HPN: variants seen among roughly 807,000 people sequenced by gnomAD.
The protein encoded by HPN is hepsin, also known as serine protease hepsin.
Under a neutral mutation model 55.9 loss-of-function variants are expected in HPN, and 13 were observed. The ratio of observed to expected loss-of-function variants is 0.23; its 90% confidence interval spans 0.15 to 0.37. The LOEUF (loss-of-function observed/expected upper bound fraction) is 0.37, where lower values mean the gene tolerates loss of function less well. Ranked by LOEUF, HPN falls within the 10% of genes least tolerant of loss-of-function variation. HPN has a pLI of 1.00. For synonymous variants in HPN, 225 were observed against 240.3 expected (o/e 0.94, Z 0.59); for missense variants, 451 against 575.8 (o/e 0.78, Z 2.22).
In HPN at chr19:35,065,528, C is replaced by A; in HGVS notation, c.908-11C>A. On this transcript the variant is annotated splice_polypyrimidine_tract_variant and intron_variant, in intron 10 of 12. Transcript: ENST00000672452. Reference sequence around the variant, plus strand: ...CCCCAGCTCTGGCCAGCCTTGCCTGCACACCCCCAGGCCAACAGGCCGGGG... The same window carrying A: ...CCCCAGCTCTGGCCAGCCTTGCCTGAACACCCCCAGGCCAACAGGCCGGGG... 6.2e-7 allele frequency: 1 copy of A among 1,613,606 alleles called. No homozygotes were observed. The highest frequency in any genetic ancestry group is 1.6e-4 in the Middle Eastern group (1 of 6,062).
intron 4 of HPN, among the ~76,000 whole-genome samples, chr19:35,056,171 C>A (rs1386595624): frequency 6.6e-6 from 1 of 152,126 alleles, no homozygotes; most frequent in African/African-American, 2.4e-5. Flanking sequence ...CAGGGACGCT[C>A]TCCTTGCAGC....
chr19:35,059,811 G>T lies in HPN; in HGVS notation c.290+9G>T. 2 of 1,553,532 alleles carry T rather than the reference G, an allele frequency of 1.3e-6. No individual in the cohort carries two copies. Among genetic ancestry groups the T allele is most frequent in the Non-Finnish European group, 1.7e-6 (2 of 1,148,262 alleles). ...GAGATGGGCTTCCTCAGGTACTGGG[G>T]GCCCTCGGAGGGGTGGGAGCCGGGA... On this transcript the variant is annotated intron_variant, in intron 5 of 12. Coordinates refer to ENST00000672452, the MANE Select transcript of HPN (RefSeq NM_001384133.1).
chr19:35,051,362 G>T (rs2064403643), intron 4 of HPN, among the ~76,000 whole-genome samples: 1 of 152,140 alleles, frequency 6.6e-6, no homozygotes, highest in South Asian at 2.1e-4. Flanking sequence ...ACCCGTCTCG[G>T]CCTCCCAAAG....
chr19:35,041,888 C>A lies in HPN; in HGVS notation c.-55+16C>A, dbSNP rs770668686. The A allele has an allele frequency of 7.5e-7, 1 of 1,332,410 alleles. No homozygotes were observed. The highest frequency in any genetic ancestry group is 4.9e-5 in the East Asian group (1 of 20,490). The allele number at this position is 1,332,410 out of a possible 1,614,324, so 82.5% of individuals were successfully genotyped here. On this transcript the variant is annotated intron_variant, in intron 1 of 12. Coordinates refer to ENST00000672452, the MANE Select transcript of HPN (RefSeq NM_001384133.1). ...GGACCCCAGGGTAAGGACAAGGGCC[C>A]CCAGACTCACAGTTCCAGCCCTGAG...
chr19:35,049,861 GTTT>G (rs67924531), intron 4 of HPN, among the ~76,000 whole-genome samples: 5 of 124,392 alleles, frequency 4.0e-5, no homozygotes, highest in Admixed American at 7.8e-5. Flanking sequence ...ATTTTTGTTT[GTTT>G]TTTTTTTTTT....
chr19:35,051,476 G>A (rs1413635868), intron 4 of HPN, among the ~76,000 whole-genome samples: 2 of 152,084 alleles, frequency 1.3e-5, no homozygotes, highest in Non-Finnish European at 2.9e-5. Flanking sequence ...GAACTCCTGA[G>A]CTCAAAGCAG....
intron 2 of HPN, among the ~76,000 whole-genome samples, chr19:35,043,036 G>A (rs553725130): frequency 6.6e-6 from 1 of 152,148 alleles, no homozygotes; most frequent in African/African-American, 2.4e-5. Context: ...CTGGTCTGGG[G>A]CTCTGCATAT....
chr19:35,058,202 T>C (rs1014153818), intron 4 of HPN, among the ~76,000 whole-genome samples: 3 of 150,956 alleles, frequency 2.0e-5, no homozygotes, highest in African/African-American at 7.3e-5. Flanking sequence ...ATTTTTGAGA[T>C]GGAGTCTCAC....
intron 1 of HPN, 57 bp downstream of exon 1, chr19:35,041,929 A>G (rs762469792): frequency 3.1e-6 from 4 of 1,270,992 alleles, no homozygotes; most frequent in South Asian, 1.3e-5. Context: ...GGGTTCCCTC[A>G]TCCCCCCACC....
At chr19:35,061,138 T>G (rs2064527120) in intron 9 of HPN, among the ~76,000 whole-genome samples, 3 of 152,226 alleles carry the variant, frequency 2.0e-5, no homozygotes, top group African/African-American at 7.2e-5. Flanking sequence ...CATAGCAGCA[T>G]TATTCATAAT....
In HPN at chr19:35,066,368, T is replaced by G; in HGVS notation, c.*81T>G. On this transcript the variant is annotated 3_prime_UTR_variant, in exon 13 of 13. Coordinates refer to ENST00000672452, the MANE Select transcript of HPN (RefSeq NM_001384133.1). ...TCCACGCTGGGCCTAGGATGGGACG[T>G]TTTTCTTCTTGGGCCCGGTCCACAG... 2.6e-6 allele frequency: 4 copies of G among 1,530,264 alleles called. No individual in the cohort carries two copies. Among genetic ancestry groups the G allele is most frequent in the Non-Finnish European group, 3.5e-6 (4 of 1,135,516 alleles). The allele number at this position is 1,530,264 out of a possible 1,614,324, so 94.8% of individuals were successfully genotyped here.
At chr19:35,061,993 G>A (rs1040675280) in intron 9 of HPN, among the ~76,000 whole-genome samples, 1 of 151,982 alleles carries the variant, frequency 6.6e-6, no homozygotes, top group Admixed American at 6.6e-5. Context: ...AGGAGTTTGA[G>A]GCTGCAGTGG....
At chr19:35,051,171 C>T (rs532901976) in intron 4 of HPN, among the ~76,000 whole-genome samples, 147 of 152,226 alleles carry the variant, frequency 9.7e-4, no homozygotes, top group African/African-American at 3.4e-3. Flanking sequence ...TGCTGTGGCG[C>T]GATCTTGGCT....
intron 2 of HPN, among the ~76,000 whole-genome samples, chr19:35,046,914 T>A (rs2064347569): frequency 6.6e-6 from 1 of 151,902 alleles, no homozygotes; most frequent in African/African-American, 2.4e-5. Flanking sequence ...CTGCAAGCTC[T>A]GCCTCCCGGG....
intron 2 of HPN, among the ~76,000 whole-genome samples, chr19:35,046,822 G>GTATTTATT (rs141379401): frequency 5.9e-5 from 9 of 151,918 alleles, no homozygotes; most frequent in Non-Finnish European, 8.8e-5. Context: ...ATTTATTTAT[G>GTATTTATT]TATTTATTTA....
chr19:35,042,028 T>C, intron 1 of HPN, 156 bp downstream of exon 1: 1 of 1,157,250 alleles, frequency 8.6e-7, no homozygotes, highest in Non-Finnish European at 1.1e-6. Flanking sequence ...AGGTGTTCTG[T>C]CCTGCTCTTC....
intron 9 of HPN, 72 bp from the exon 10 acceptor site, chr19:35,065,178 A>G: frequency 9.7e-7 from 1 of 1,032,542 alleles, no homozygotes; most frequent in Non-Finnish European, 1.5e-6. Context: ...GGGCCATGGT[A>G]GCAGCTGGAC....
chr19:35,065,486 AG>A (rs895164861), intron 10 of HPN, 52 bp from the exon 11 acceptor site: 17 of 1,592,678 alleles, frequency 1.1e-5, no homozygotes, highest in Admixed American at 7.0e-5. Context: ...CCAGGAGGGA[AG>A]GGGGGTGTGT....
intron 2 of HPN, among the ~76,000 whole-genome samples, chr19:35,045,201 G>A (rs1036847769): frequency 6.6e-6 from 1 of 152,132 alleles, no homozygotes; most frequent in African/African-American, 2.4e-5. Flanking sequence ...TGAGTCCACA[G>A]AGGTGGGTGA....
Sources: gnomAD v4.1 joint callset for allele counts (sites outside exome capture counted in the v4.1 genomes callset) on GRCh38, gnomAD v4.1.1 for gene constraint, MANE v1.5 for transcripts, NCBI Gene and HGNC (gene_info 2026-07-23, HGNC 2026-07-21) for gene names.